SKIC3: variants seen among roughly 807,000 people sequenced by gnomAD.
The protein encoded by SKIC3 is SKI3 subunit of superkiller complex, also known as superkiller complex protein 3.
the SKIC3 span, among the ~76,000 whole-genome samples, chr5:95,545,188 T>C: frequency 1.3e-5 from 2 of 152,170 alleles, no homozygotes; most frequent in Non-Finnish European, 2.9e-5. Flanking sequence ...ATCAATTAGA[T>C]AAACCTAGTG....
chr5:95,487,206 G>T, the SKIC3 span, among the ~76,000 whole-genome samples: 1 of 152,160 alleles, frequency 6.6e-6, no homozygotes. Flanking sequence ...GTTCTTCAGT[G>T]TGGGGGCTGG....
the SKIC3 span, chr5:95,524,667 T>C: frequency 1.3e-6 from 2 of 1,572,972 alleles, no homozygotes; most frequent in East Asian, 2.3e-5. Context: ...AGGAGACTCC[T>C]AGTTGGAACA....
the SKIC3 span, among the ~76,000 whole-genome samples, chr5:95,496,176 C>G: frequency 6.6e-6 from 1 of 152,030 alleles, no homozygotes; most frequent in Non-Finnish European, 1.5e-5. Flanking sequence ...CGCCACCATG[C>G]CCAGCTAATT....
chr5:95,486,649 G>T, the SKIC3 span, among the ~76,000 whole-genome samples: 1 of 152,182 alleles, frequency 6.6e-6, no homozygotes, highest in Admixed American at 6.5e-5. Context: ...CCTCGGGATT[G>T]CCCAGCTCAG....
At chr5:95,510,346 A>T in the SKIC3 span, among the ~76,000 whole-genome samples, 1 of 152,250 alleles carries the variant, frequency 6.6e-6, no homozygotes, top group African/African-American at 2.4e-5. Flanking sequence ...TTTGAAACAA[A>T]GATGACAACA....
the SKIC3 span, chr5:95,503,965 T>C: frequency 6.2e-7 from 1 of 1,612,600 alleles, no homozygotes; most frequent in Non-Finnish European, 8.5e-7. Flanking sequence ...AACTTACTTT[T>C]AATATCAAAA....
chr5:95,524,425 G>A, the SKIC3 span: 3 of 1,609,740 alleles, frequency 1.9e-6, no homozygotes, highest in South Asian at 3.3e-5. Context: ...ATTTTATAAT[G>A]CCATTTCAAC....
At chr5:95,497,880 C>A in the SKIC3 span, among the ~76,000 whole-genome samples, 91 of 151,554 alleles carry the variant, frequency 6.0e-4, no homozygotes, top group South Asian at 3.9e-3. Flanking sequence ...TAAAAAAAAA[C>A]CCAGCAAAGA....
chr5:95,468,585 C>T, the SKIC3 span, among the ~76,000 whole-genome samples: 2 of 152,134 alleles, frequency 1.3e-5, no homozygotes, highest in African/African-American at 4.8e-5. Flanking sequence ...GACTCCAAAA[C>T]TTCTGTACTG....
the SKIC3 span, among the ~76,000 whole-genome samples, chr5:95,517,983 C>T: frequency 2.0e-5 from 3 of 151,966 alleles, no homozygotes; most frequent in South Asian, 2.1e-4. Flanking sequence ...TGCCCTTCTG[C>T]CATAGGATGA....
the SKIC3 span, among the ~76,000 whole-genome samples, chr5:95,489,211 G>C: frequency 6.6e-6 from 1 of 151,988 alleles, no homozygotes; most frequent in Non-Finnish European, 1.5e-5. Flanking sequence ...GGCGGAGGCA[G>C]GAGTATTACT....
the SKIC3 span, chr5:95,512,572 T>A: frequency 6.2e-7 from 1 of 1,614,064 alleles, no homozygotes; most frequent in Non-Finnish European, 8.5e-7. Context: ...GCTTTTATCT[T>A]GCAATGTTGT....
At chr5:95,473,748 T>C in the SKIC3 span, among the ~76,000 whole-genome samples, 3 of 152,192 alleles carry the variant, frequency 2.0e-5, no homozygotes, top group African/African-American at 7.2e-5. Flanking sequence ...CCTTTAACTG[T>C]TTGTTAATGG....
At chr5:95,523,254 T>A in the SKIC3 span, 1 of 1,613,932 alleles carries the variant, frequency 6.2e-7, no homozygotes, top group African/African-American at 1.3e-5. Flanking sequence ...AGTCCTCGCC[T>A]AAGCCAGGCC....
the SKIC3 span, among the ~76,000 whole-genome samples, chr5:95,504,887 T>A: frequency 6.6e-6 from 1 of 151,866 alleles, no homozygotes; most frequent in Non-Finnish European, 1.5e-5. Context: ...TGCCTGTAAT[T>A]CCAGCTACTG....
the SKIC3 span, among the ~76,000 whole-genome samples, chr5:95,545,404 A>G: frequency 6.6e-6 from 1 of 152,114 alleles, no homozygotes; most frequent in South Asian, 2.1e-4. Flanking sequence ...TCATATTGCC[A>G]TGTATACTGC....
chr5:95,514,891 G>A, the SKIC3 span: 1 of 1,612,160 alleles, frequency 6.2e-7, no homozygotes, highest in African/African-American at 1.3e-5. Context: ...ATGGATCAAG[G>A]GATTGAGCCA....
At chr5:95,542,967 A>G in the SKIC3 span, among the ~76,000 whole-genome samples, 10 of 152,158 alleles carry the variant, frequency 6.6e-5, no homozygotes, top group African/African-American at 2.4e-4. Context: ...ATTAGAAATA[A>G]TCCATTAGGT....
chr5:95,494,665 A>G, the SKIC3 span: 1 of 1,608,646 alleles, frequency 6.2e-7, no homozygotes. Context: ...AATTAATGAA[A>G]TAGATATTAT....
Sources: allele counts gnomAD v4.1 joint callset (sites outside exome capture counted in the v4.1 genomes callset), GRCh38; gene constraint gnomAD v4.1.1; transcripts MANE v1.5; gene names NCBI Gene and HGNC (gene_info 2026-07-23, HGNC 2026-07-21).